POLR3D: variants seen among roughly 807,000 people sequenced by gnomAD.
POLR3D encodes DNA-directed RNA polymerase III subunit RPC4.
A neutral mutation model predicts 44.5 loss-of-function variants in POLR3D; 42 were observed. That is an observed-to-expected ratio of 0.94 (90% confidence interval 0.74 to 1.22). The LOEUF (loss-of-function observed/expected upper bound fraction) is 1.22. Among genes scored for constraint, POLR3D ranks in the 50% most tolerant of loss-of-function variants. The pLI is 0.00. For synonymous variants in POLR3D, 217 were observed against 198.1 expected (o/e 1.10, Z -0.80); for missense variants, 507 against 505.2 (o/e 1.00, Z -0.03).
Position 22,253,538 on chromosome 8 carries a change from G to A in POLR3D, c.*3020G>A, listed in dbSNP as rs1390551173. The A allele has an allele frequency of 6.6e-6, 1 of 152,166 alleles. No individual in the cohort carries two copies. The highest frequency in any genetic ancestry group is 1.5e-5 in the Non-Finnish European group (1 of 68,034). 9.4% of individuals were successfully genotyped at this position (152,166 alleles called of 1,614,324 possible). On this transcript the variant is annotated 3_prime_UTR_variant, in exon 9 of 9. Transcript: ENST00000306433. ...TGCCATGTTCAAAAAATGCTGCAATGTAAAATCATAAAGTATTCATCTAGG... is the reference window on the plus strand; with the variant it reads ...TGCCATGTTCAAAAAATGCTGCAATATAAAATCATAAAGTATTCATCTAGG...
rs1196340317 is a variant in POLR3D at position 22,251,409 on chromosome 8, C to T, written c.*891C>T. ...TAATAGAAAGGAAGAAGTCAGAGAC[C>T]CCTCCCAGCACCCTACAAAAGCCTT... On this transcript the variant is annotated 3_prime_UTR_variant, in exon 9 of 9. Transcript: ENST00000306433. 8 of 153,690 alleles carry T rather than the reference C, an allele frequency of 5.2e-5. No individual in the cohort carries two copies. The highest frequency in any genetic ancestry group is 1.9e-4 in the African/African-American group (8 of 41,418). The allele number at this position is 153,690 out of a possible 1,614,324, so 9.5% of individuals were successfully genotyped here.
chr8:22,245,780 T>TACTGAGTACAAGA (rs1160987094), intron 2 of POLR3D, among the ~76,000 whole-genome samples, 166 bp downstream of exon 2: 2 of 152,212 alleles, frequency 1.3e-5, no homozygotes, highest in African/African-American at 4.8e-5. Context: ...CAAATCTAGG[T>TACTGAGTACAAGA]ACTGAGTACA....
chr8:22,248,218 A>G lies in POLR3D; in HGVS notation c.426A>G (p.Lys142=). ...MGPSHIINIK[K]EKRETDEETK... The stretch of plus-strand genomic sequence containing the variant: ...CTTCTCATATCATCAACATCAAAAA[A>G]GAGAAGAGAGAGACAGACGAAGAAA... The change falls in exon 5 of 9, where the codon AAA becomes AAG. Residue 142 remains lysine, a synonymous_variant. Coordinates refer to ENST00000306433, the MANE Select transcript of POLR3D (RefSeq NM_001722.3). The G allele has an allele frequency of 1.9e-6, 3 of 1,614,230 alleles. No individual in the cohort carries two copies. Among genetic ancestry groups the G allele is most frequent in the Non-Finnish European group, 2.5e-6 (3 of 1,180,046 alleles).
In POLR3D at chr8:22,248,252, A is replaced by AT; in HGVS notation, c.461dup (p.Arg156AlafsTer11). 1 of 1,614,136 alleles carries AT rather than the reference A, an allele frequency of 6.2e-7. No homozygotes were observed. The highest frequency in any genetic ancestry group is 8.5e-7 in the Non-Finnish European group (1 of 1,180,026). ...AGAGACAGACGAAGAAACTAAACAG[A>AT]TCTTGCGTATGCTGGAGAAGGACGA... is the stretch of plus-strand genomic sequence containing the variant. On this transcript the variant is annotated frameshift_variant, in exon 5 of 9. Transcript: ENST00000306433. LOFTEE classifies it high-confidence loss of function.
At chr8:22,245,309 G>A (rs1740832789) in intron 1 of POLR3D, 126 bp downstream of exon 1, 1 of 588,912 alleles carries the variant, frequency 1.7e-6, no homozygotes, top group African/African-American at 1.9e-5. Context: ...CGGGAGTCTC[G>A]CCACGTGGGA....
rs1830113165 is a variant in POLR3D at position 22,252,492 on chromosome 8, C to T, written c.*1974C>T. 1 of 152,206 alleles carries T rather than the reference C, an allele frequency of 6.6e-6. No homozygotes were observed. The highest frequency in any genetic ancestry group is 2.4e-5 in the African/African-American group (1 of 41,456). 9.4% of individuals were successfully genotyped at this position (152,206 alleles called of 1,614,324 possible). ...TGAGGAAGAACATGTACTGCTTTCA[C>T]GTTCATTTCGCCCATTCAGATGTCT... On this transcript the variant is annotated 3_prime_UTR_variant, in exon 9 of 9. Coordinates refer to ENST00000306433, the MANE Select transcript of POLR3D (RefSeq NM_001722.3).
chr8:22,247,383 C>T (rs952550151), intron 3 of POLR3D, 119 bp downstream of exon 3: 2 of 703,234 alleles, frequency 2.8e-6, no homozygotes, highest in Non-Finnish European at 2.5e-6. Flanking sequence ...TAGTTCTTTT[C>T]ACTAGTGATT....
intron 6 of POLR3D, 134 bp from the exon 7 acceptor site, chr8:22,248,910 C>A: frequency 9.9e-7 from 1 of 1,014,246 alleles, no homozygotes; most frequent in Non-Finnish European, 1.5e-6. Context: ...TCTCTTGCCC[C>A]TCTGTATAAC....
In POLR3D at chr8:22,250,802, A is replaced by G; in HGVS notation, c.*284A>G. On this transcript the variant is annotated 3_prime_UTR_variant, in exon 9 of 9. Coordinates refer to ENST00000306433, the MANE Select transcript of POLR3D (RefSeq NM_001722.3). ...ATCTCTTCCACTGATGCATCCTCCA[A>G]GGGTAGATGGGGAGGGTCTGTGTGA... The G allele has an allele frequency of 2.5e-6, 1 of 394,304 alleles. No homozygotes were observed. 24.4% of individuals were successfully genotyped at this position (394,304 alleles called of 1,614,324 possible). A position where few individuals can be genotyped will look rare whatever the true frequency, so the allele number is the denominator to read the frequency against.
rs757871929 is a variant in POLR3D at position 22,250,445 on chromosome 8, T to C, written c.1124T>C (p.Val375Ala). Residue 375 changes from valine to alanine, a missense_variant, in exon 9 of 9, where the codon GTC becomes GCC. Val to Ala is a moderately conservative substitution (Grantham distance 64, BLOSUM62 0). Coordinates refer to ENST00000306433, the MANE Select transcript of POLR3D (RefSeq NM_001722.3). Reference protein sequence around the residue: ...LGDSRTGEMTVLGHVKHKLVC... With the variant: ...LGDSRTGEMTALGHVKHKLVC... Reference sequence around the variant, plus strand: ...GACAGTAGGACAGGGGAGATGACAGTCCTGGGACACGTGAAGCACAAACTT... The same window carrying C: ...GACAGTAGGACAGGGGAGATGACAGCCCTGGGACACGTGAAGCACAAACTT... The C allele has an allele frequency of 6.2e-7, 1 of 1,614,168 alleles. No homozygotes were observed. Among genetic ancestry groups the C allele is most frequent in the East Asian group, 2.2e-5 (1 of 44,878 alleles).
chr8:22,245,342 G>A, intron 1 of POLR3D, 103 bp from the exon 2 acceptor site: 1 of 825,022 alleles, frequency 1.2e-6, no homozygotes, highest in Non-Finnish European at 1.7e-6. Flanking sequence ...AGAGGCCACT[G>A]GAGGGACGCA....
chr8:22,251,489 G>C lies in POLR3D; in HGVS notation c.*971G>C. 6.5e-6 allele frequency: 1 copy of C among 153,746 alleles called. No homozygotes were observed. The highest frequency in any genetic ancestry group is 1.9e-4 in the East Asian group (1 of 5,200). 9.5% of individuals were successfully genotyped at this position (153,746 alleles called of 1,614,324 possible). A position where few individuals can be genotyped will look rare whatever the true frequency, so the allele number is the denominator to read the frequency against. ...CCCTGCACTCTTTCCTTTGCAGTTA[G>C]TACTCATGTATGAGCCGAAGTCATA... On this transcript the variant is annotated 3_prime_UTR_variant, in exon 9 of 9. Coordinates refer to ENST00000306433, the MANE Select transcript of POLR3D (RefSeq NM_001722.3).
chr8:22,247,319 G>T, intron 3 of POLR3D, 55 bp downstream of exon 3: 1 of 1,361,748 alleles, frequency 7.3e-7, no homozygotes, highest in South Asian at 1.2e-5. Context: ...TCTGAATTTG[G>T]GGCTTTGGGG....
Position 22,252,569 on chromosome 8 carries a change from C to T in POLR3D, c.*2051C>T, listed in dbSNP as rs1187210054. 1 of 152,170 alleles carries T rather than the reference C, an allele frequency of 6.6e-6. No homozygotes were observed. The highest frequency in any genetic ancestry group is 1.5e-5 in the Non-Finnish European group (1 of 68,034). 9.4% of individuals were successfully genotyped at this position (152,170 alleles called of 1,614,324 possible). A position where few individuals can be genotyped will look rare whatever the true frequency, so the allele number is the denominator to read the frequency against. ...AAAGTCCTCACAACCTGTCTCAGAT[C>T]CCTGATGCACAAATTAGGTCTTATT... On this transcript the variant is annotated 3_prime_UTR_variant, in exon 9 of 9. Coordinates refer to ENST00000306433, the MANE Select transcript of POLR3D (RefSeq NM_001722.3).
In POLR3D at chr8:22,250,100, G is replaced by A. The variant is rs1051496897; in HGVS notation, c.947G>A (p.Cys316Tyr). The part of the protein sequence containing the change: ...DREAKLAENA[C>Y]TLADLTEGQV... Reference sequence around the variant, plus strand: ...GAAGCCAAATTGGCAGAGAATGCTTGTACCCTGGCTGACCTGACAGAGGGT... The same window carrying A: ...GAAGCCAAATTGGCAGAGAATGCTTATACCCTGGCTGACCTGACAGAGGGT... Residue 316 changes from cysteine (C) to tyrosine (Y), a missense_variant, in exon 8 of 9, where the codon TGT (cysteine) becomes TAT (tyrosine). Coordinates refer to ENST00000306433, the MANE Select transcript of POLR3D (RefSeq NM_001722.3). 3.1e-6 allele frequency: 5 copies of A among 1,614,148 alleles called. No individual in the cohort carries two copies. Among genetic ancestry groups the A allele is most frequent in the South Asian group, 2.2e-5 (2 of 91,084 alleles).
At chr8:22,246,748 A>G (rs561021636) in intron 2 of POLR3D, among the ~76,000 whole-genome samples, 12 of 152,348 alleles carry the variant, frequency 7.9e-5, no homozygotes, top group African/African-American at 2.2e-4. Context: ...CCAGCCATAA[A>G]GCAGTTTTTA....
intron 4 of POLR3D, 58 bp downstream of exon 4, chr8:22,248,066 A>G: frequency 6.2e-7 from 1 of 1,607,572 alleles, no homozygotes; most frequent in Non-Finnish European, 8.5e-7. Flanking sequence ...GGGCGAGAAC[A>G]GTGGAATTTC....
At chr8:22,249,004 G>T (rs777232786) in intron 6 of POLR3D, 40 bp from the exon 7 acceptor site, 1 of 1,606,946 alleles carries the variant, frequency 6.2e-7, no homozygotes, top group Non-Finnish European at 8.5e-7. Flanking sequence ...GGTATGGAGG[G>T]TGGTCACTTG....
At position 22,245,150 on chromosome 8, in the gene POLR3D, G is replaced by C. The variant is rs1010292083; in HGVS notation, c.-39G>C. On this transcript the variant is annotated 5_prime_UTR_variant, in exon 1 of 9. Transcript: ENST00000306433. Reference sequence around the variant, plus strand: ...TGCCACGCAGACTTCCGCCCGGCGCGGAGACCGAAGGCTGGCGGCTGGTCG... The same window carrying C: ...TGCCACGCAGACTTCCGCCCGGCGCCGAGACCGAAGGCTGGCGGCTGGTCG... 1.7e-6 allele frequency: 1 copy of C among 587,212 alleles called. No homozygotes were observed. The highest frequency in any genetic ancestry group is 3.3e-6 in the Non-Finnish European group (1 of 305,880). The allele number at this position is 587,212 out of a possible 1,614,324, so 36.4% of individuals were successfully genotyped here. A position where few individuals can be genotyped will look rare whatever the true frequency, so the allele number is the denominator to read the frequency against.
Sources: gnomAD v4.1 joint callset for allele counts (sites outside exome capture counted in the v4.1 genomes callset) on GRCh38, gnomAD v4.1.1 for gene constraint, MANE v1.5 for transcripts, NCBI Gene and HGNC (gene_info 2026-07-23, HGNC 2026-07-21) for gene names.